The following TSNARE1 variants were observed in gnomAD, a reference collection of about 807,000 sequenced individuals.
TSNARE1 encodes the protein t-SNARE domain-containing protein 1.
A neutral mutation model predicts 62.0 loss-of-function variants in TSNARE1; 49 were observed. The ratio of observed to expected loss-of-function variants is 0.79; its 90% CI spans 0.63 to 1.00. TSNARE1 has a LOEUF of 1.00. TSNARE1 is among the 50% of genes least tolerant of loss of function. The probability of loss-of-function intolerance (pLI) is 0.00; values close to 1 mark genes in which losing one functional copy is unlikely to be tolerated. For synonymous variants in TSNARE1, 328 were observed against 294.4 expected (o/e 1.11, Z -1.17); for missense variants, 755 against 700.1 (o/e 1.08, Z -0.88).
chr8:142,387,562 C>T (rs562913518), intron 1 of TSNARE1, among the ~76,000 whole-genome samples: 36 of 151,654 alleles, frequency 2.4e-4, no homozygotes, highest in Non-Finnish European at 8.8e-5. Flanking sequence ...GCAACCGAGA[C>T]GGAAATAACC....
chr8:142,339,673 A>C (rs1832261079), intron 4 of TSNARE1, among the ~76,000 whole-genome samples: 1 of 152,228 alleles, frequency 6.6e-6, no homozygotes, highest in Admixed American at 6.5e-5. Flanking sequence ...GCCAGCAGCC[A>C]TGAGGCAGTC....
At chr8:142,280,160 G>C (rs1821177221) in intron 11 of TSNARE1, 3 of 985,304 alleles carry the variant, frequency 3.0e-6, no homozygotes, top group African/African-American at 1.7e-5. Context: ...CTCTGCACCA[G>C]CACCTCCGTC....
intron 1 of TSNARE1, among the ~76,000 whole-genome samples, chr8:142,377,177 A>T (rs1836404296): frequency 6.6e-6 from 1 of 152,246 alleles, no homozygotes; most frequent in Non-Finnish European, 1.5e-5. Flanking sequence ...GACTTGGGAC[A>T]AAACATACTC....
chr8:142,274,972 A>C, intron 11 of TSNARE1, 109 bp from the exon 12 acceptor site: 1 of 1,392,388 alleles, frequency 7.2e-7, no homozygotes, highest in Non-Finnish European at 9.4e-7. Context: ...GGGCCTGCAG[A>C]GGAGCAGAGG....
chr8:142,239,351 G>A (rs1259268311), intron 12 of TSNARE1, among the ~76,000 whole-genome samples: 1 of 152,216 alleles, frequency 6.6e-6, no homozygotes, highest in African/African-American at 2.4e-5. Context: ...GACAGGCCTG[G>A]AGAGTGTGAA....
intron 9 of TSNARE1, among the ~76,000 whole-genome samples, chr8:142,309,314 C>G (rs1827215614): frequency 6.6e-6 from 1 of 152,174 alleles, no homozygotes; most frequent in Non-Finnish European, 1.5e-5. Context: ...AACCACAGTA[C>G]TAGATGCCCT....
chr8:142,233,513 A>G (rs1175768252), intron 12 of TSNARE1, among the ~76,000 whole-genome samples: 1 of 152,158 alleles, frequency 6.6e-6, no homozygotes, highest in Non-Finnish European at 1.5e-5. Context: ...TCCCTGCATC[A>G]TGGGATCACA....
Position 142,345,847 on chromosome 8 carries a change from C to A in TSNARE1, c.134G>T (p.Cys45Phe). Residue 45 changes from cysteine to phenylalanine, a missense_variant, in exon 3 of 14, where the codon TGC becomes TTC. Cys to Phe is a radical substitution (Grantham distance 205, BLOSUM62 -2). Transcript: ENST00000524325. ...CTGCAGCTTGCTCTCTGGCGACGGG[C>A]AGGGGAAATGGCGGATTCCATACTC... is the stretch of plus-strand genomic sequence containing the variant. Reference protein sequence around the residue: ...WTEYGIRHFPCPSPESKLQNR... With the variant: ...WTEYGIRHFPFPSPESKLQNR... 6.2e-7 allele frequency: 1 copy of A among 1,613,980 alleles called. No individual in the cohort carries two copies. Among genetic ancestry groups the A allele is most frequent in the Non-Finnish European group, 8.5e-7 (1 of 1,179,926 alleles).
At chr8:142,305,686 C>T (rs1826553380) in intron 9 of TSNARE1, among the ~76,000 whole-genome samples, 1 of 152,210 alleles carries the variant, frequency 6.6e-6, no homozygotes, top group Admixed American at 6.5e-5. Flanking sequence ...CCCACAAAGG[C>T]CCAATTTGGG....
intron 12 of TSNARE1, chr8:142,274,463 A>G: frequency 1.0e-6 from 1 of 985,462 alleles, no homozygotes; most frequent in Non-Finnish European, 1.2e-6. Flanking sequence ...AGCATCTGGC[A>G]CAGGAGGTGG....
chr8:142,337,007 AG>A (rs1355670550), intron 4 of TSNARE1, among the ~76,000 whole-genome samples: 1 of 152,204 alleles, frequency 6.6e-6, no homozygotes, highest in Non-Finnish European at 1.5e-5. Context: ...CAATGCATAG[AG>A]GGAAGTGTAT....
intron 12 of TSNARE1, among the ~76,000 whole-genome samples, chr8:142,249,610 G>A (rs954194203): frequency 1.3e-5 from 2 of 152,256 alleles, no homozygotes; most frequent in Non-Finnish European, 2.9e-5. Flanking sequence ...TCATAAGCCT[G>A]TGCTGCCTTC....
intron 2 of TSNARE1, among the ~76,000 whole-genome samples, chr8:142,353,894 G>A (rs1240188793): frequency 8.7e-6 from 1 of 114,978 alleles, no homozygotes; most frequent in Non-Finnish European, 1.7e-5. Context: ...CCCGAGGCCT[G>A]GCACTGGGTG....
intron 12 of TSNARE1, among the ~76,000 whole-genome samples, chr8:142,229,811 A>G (rs1309807851): frequency 6.6e-6 from 1 of 152,202 alleles, no homozygotes; most frequent in African/African-American, 2.4e-5. Context: ...GGAGAGAGGC[A>G]GGAGACTCAA....
intron 11 of TSNARE1, among the ~76,000 whole-genome samples, chr8:142,283,643 G>C (rs1199293766): frequency 1.4e-5 from 2 of 147,940 alleles, no homozygotes; most frequent in African/African-American, 2.5e-5. Context: ...AATGAACAGA[G>C]GCAGGGCCAG....
At chr8:142,336,536 T>C (rs1388660494) in intron 4 of TSNARE1, among the ~76,000 whole-genome samples, 3 of 152,148 alleles carry the variant, frequency 2.0e-5, no homozygotes, top group African/African-American at 7.2e-5. Context: ...ATTCTAAGTA[T>C]GTATGCACCT....
At chr8:142,350,159 G>A (rs370134647) in intron 2 of TSNARE1, among the ~76,000 whole-genome samples, 1 of 116,866 alleles carries the variant, frequency 8.6e-6, no homozygotes, top group African/African-American at 3.1e-5. Context: ...GCTGGGATCA[G>A]GGCAGGCAGG....
chr8:142,276,170 T>A, intron 11 of TSNARE1: 1 of 985,362 alleles, frequency 1.0e-6, no homozygotes, highest in Non-Finnish European at 1.2e-6. Context: ...AGAGCCAGGC[T>A]CCTGCACAAG....
intron 2 of TSNARE1, 138 bp downstream of exon 2, chr8:142,354,499 C>T: frequency 1.6e-6 from 1 of 625,398 alleles, no homozygotes; most frequent in East Asian, 3.0e-5. Flanking sequence ...TCAGGAATCA[C>T]ACCCCATCTC....
Sources: allele counts gnomAD v4.1 joint callset (sites outside exome capture counted in the v4.1 genomes callset), GRCh38; gene constraint gnomAD v4.1.1; transcripts MANE v1.5; gene names NCBI Gene and HGNC (gene_info 2026-07-23, HGNC 2026-07-21).